The following DNAI7 variants were observed in gnomAD, a reference collection of about 807,000 sequenced individuals.
The protein encoded by DNAI7 is dynein axonemal intermediate chain 7.
In DNAI7, 78 loss-of-function variants were observed where a neutral mutation model predicts 86.6. The observed-to-expected ratio is 0.90, with a 90% CI of 0.75 to 1.09. The LOEUF is 1.09. DNAI7 is among the 50% of genes least tolerant of loss of function. The pLI is 0.00. For synonymous variants in DNAI7, 274 were observed against 273.0 expected (o/e 1.00, Z -0.04); for missense variants, 753 against 810.2 (o/e 0.93, Z 0.86).
chr12:25,165,746 TTC>T (rs1233119087), intron 2 of DNAI7, among the ~76,000 whole-genome samples: 1 of 152,176 alleles, frequency 6.6e-6, no homozygotes, highest in Non-Finnish European at 1.5e-5. Flanking sequence ...CCACATTACC[TTC>T]TTTTCAAGGG....
At chr12:25,138,637 T>A (rs1460100862) in intron 9 of DNAI7, among the ~76,000 whole-genome samples, 4 of 152,000 alleles carry the variant, frequency 2.6e-5, no homozygotes, top group Non-Finnish European at 5.9e-5. Context: ...AGATGGAAAT[T>A]TAAAAATTCT....
At chr12:25,131,132 C>T (rs987914646) in intron 9 of DNAI7, among the ~76,000 whole-genome samples, 1 of 146,304 alleles carries the variant, frequency 6.8e-6, no homozygotes, top group Non-Finnish European at 1.5e-5. Flanking sequence ...ATATGCCAAC[C>T]TAAAATTGTG....
At chr12:25,179,138 AC>A (rs1769405701) in intron 2 of DNAI7, among the ~76,000 whole-genome samples, 1 of 152,048 alleles carries the variant, frequency 6.6e-6, no homozygotes, top group Admixed American at 6.6e-5. Flanking sequence ...TTACTTCTTG[AC>A]CCATTTTAGA....
At chr12:25,114,239 C>T (rs1939620932) in intron 13 of DNAI7, among the ~76,000 whole-genome samples, 1 of 152,150 alleles carries the variant, frequency 6.6e-6, no homozygotes, top group Non-Finnish European at 1.5e-5. Context: ...GCGCTCGGCC[C>T]AGGCTATGTA....
intron 9 of DNAI7, among the ~76,000 whole-genome samples, chr12:25,136,231 A>G (rs2140708280): frequency 6.6e-6 from 1 of 152,334 alleles, no homozygotes; most frequent in East Asian, 1.9e-4. Context: ...GAATTACATC[A>G]CACGACTCTT....
chr12:25,142,027 T>C (rs1369447002), intron 9 of DNAI7, among the ~76,000 whole-genome samples: 1 of 152,128 alleles, frequency 6.6e-6, no homozygotes, highest in Non-Finnish European at 1.5e-5. Context: ...ATAAGTCATA[T>C]GAAAAGGACA....
At chr12:25,190,076 C>T (rs1169214781) in intron 2 of DNAI7, among the ~76,000 whole-genome samples, 1 of 148,936 alleles carries the variant, frequency 6.7e-6, no homozygotes, top group Non-Finnish European at 1.5e-5. Context: ...GGATTATAAA[C>T]TCTAATTTAA....
intron 11 of DNAI7, among the ~76,000 whole-genome samples, chr12:25,120,748 T>A (rs1467479935): frequency 7.2e-5 from 11 of 151,788 alleles, no homozygotes; most frequent in East Asian, 1.9e-4. Context: ...ATAAAAAAAA[T>A]AAATAAACCA....
intron 2 of DNAI7, among the ~76,000 whole-genome samples, chr12:25,166,500 A>G (rs976430231): frequency 6.6e-5 from 10 of 152,156 alleles, no homozygotes; most frequent in East Asian, 5.8e-4. Context: ...TACCTGGGCT[A>G]TACTGCCGCA....
chr12:25,184,937 C>T (rs1483466819), intron 2 of DNAI7, among the ~76,000 whole-genome samples: 1 of 148,594 alleles, frequency 6.7e-6, no homozygotes, highest in African/African-American at 2.5e-5. Flanking sequence ...TGAGACCACC[C>T]TGGACAACAC....
At chr12:25,110,043 C>A (rs1398586091) in intron 15 of DNAI7, 84 bp downstream of exon 15, 6 of 694,012 alleles carry the variant, frequency 8.6e-6, no homozygotes, top group Non-Finnish European at 1.5e-5. Context: ...AGAGGGGAAG[C>A]CATGGTCTAC....
intron 2 of DNAI7, among the ~76,000 whole-genome samples, chr12:25,188,854 C>T (rs926608462): frequency 2.6e-5 from 4 of 152,118 alleles, no homozygotes; most frequent in African/African-American, 4.8e-5. Context: ...AAAATGATGC[C>T]TCTAAGATTT....
At chr12:25,120,003 CTT>C (rs917825840) in intron 11 of DNAI7, among the ~76,000 whole-genome samples, 3 of 152,114 alleles carry the variant, frequency 2.0e-5, no homozygotes, top group Non-Finnish European at 2.9e-5. Context: ...AAGGAGGACT[CTT>C]TGGGTTCAAG....
At chr12:25,149,231 G>A (rs1029751393) in intron 7 of DNAI7, among the ~76,000 whole-genome samples, 7 of 151,872 alleles carry the variant, frequency 4.6e-5, no homozygotes, top group South Asian at 2.1e-4. Flanking sequence ...AAGTAATTGC[G>A]GTTTTTGCCA....
intron 9 of DNAI7, among the ~76,000 whole-genome samples, chr12:25,142,553 T>C (rs1322382253): frequency 6.6e-6 from 1 of 151,662 alleles, no homozygotes; most frequent in Non-Finnish European, 1.5e-5. Context: ...TATTACTACA[T>C]GAGGCCACTT....
chr12:25,173,946 G>A (rs1330475197), intron 2 of DNAI7, among the ~76,000 whole-genome samples: 1 of 139,534 alleles, frequency 7.2e-6, no homozygotes, highest in Non-Finnish European at 1.6e-5. Context: ...TCATATATAT[G>A]GAATACATAT....
At position 25,155,812 on chromosome 12, in the gene DNAI7, A is replaced by C. The variant is rs186498233; in HGVS notation, c.199-400T>G. ...GGTGAAGGGAAGGAGCCAGCTTCAC[A>C]AAAGAATGCCCGGATGGATGGGTGC... On this transcript the variant is annotated intron_variant, in intron 4 of 15. Coordinates refer to ENST00000395987, the MANE Select transcript of DNAI7 (RefSeq NM_018272.5). Among the ~76,000 whole-genome samples the C allele has an allele frequency of 3.3e-3, 509 of 152,334 alleles. 5 individuals carry two copies. The highest frequency in any genetic ancestry group is 1.7e-3 in the Non-Finnish European group (116 of 68,024).
Position 25,149,625 on chromosome 12 carries a change from T to C in DNAI7, c.585+3A>G. The C allele has an allele frequency of 8.1e-6, 13 of 1,596,942 alleles. No homozygotes were observed. Among genetic ancestry groups the C allele is most frequent in the Non-Finnish European group, 1.1e-5 (13 of 1,171,610 alleles). ...TAATATATAAGCAAAATATCACACT[T>C]ACTTTGAGAAGTATTTCTGTGGCTA... On this transcript the variant is annotated splice_donor_region_variant and intron_variant, in intron 7 of 15. Coordinates refer to ENST00000395987, the MANE Select transcript of DNAI7 (RefSeq NM_018272.5).
chr12:25,141,174 C>T (rs1944145418), intron 9 of DNAI7, among the ~76,000 whole-genome samples: 1 of 152,072 alleles, frequency 6.6e-6, no homozygotes, highest in Non-Finnish European at 1.5e-5. Flanking sequence ...TGAAAAAGAG[C>T]CCAAAAGCAA....
Sources: allele counts gnomAD v4.1 joint callset (sites outside exome capture counted in the v4.1 genomes callset), GRCh38; gene constraint gnomAD v4.1.1; transcripts MANE v1.5; gene names NCBI Gene and HGNC (gene_info 2026-07-23, HGNC 2026-07-21).